Variants in ALS2 observed in about 807,000 individuals in gnomAD.
The protein encoded by ALS2 is alsin.
ALS2 carries 117 observed loss-of-function variants against 203.4 expected under a neutral mutation model. That is an observed-to-expected ratio of 0.58 (90% CI 0.50 to 0.67). ALS2 has a LOEUF of 0.67. ALS2 is among the 30% of genes least tolerant of loss of function. The pLI is 0.00. For synonymous variants in ALS2, 718 were observed against 725.9 expected, an observed-to-expected ratio of 0.99 and a Z score of 0.17; for missense variants, 1,715 against 1,989.4, an observed-to-expected ratio of 0.86 and a Z score of 2.62.
chr2:201,746,541 G>A, intron 9 of ALS2, 25 bp downstream of exon 9: 5 of 1,612,922 alleles, frequency 3.1e-6, no homozygotes, highest in Non-Finnish European at 4.2e-6. Context: ...CTGAATGTGG[G>A]CCTTAGGATC....
intron 1 of ALS2, among the ~76,000 whole-genome samples, chr2:201,779,736 A>G (rs1694814407): frequency 6.6e-6 from 1 of 152,234 alleles, no homozygotes; most frequent in African/African-American, 2.4e-5. Flanking sequence ...TGAGGCAGAG[A>G]GATTAAATAA....
chr2:201,725,503 T>G (rs777358877), intron 19 of ALS2, 49 bp from the exon 20 acceptor site: 1 of 1,444,478 alleles, frequency 6.9e-7, no homozygotes, highest in Admixed American at 1.7e-5. Flanking sequence ...TTATGACATA[T>G]TCACCTTTTG....
intron 6 of ALS2, among the ~76,000 whole-genome samples, chr2:201,754,115 C>T (rs191192483): frequency 1.2e-4 from 18 of 151,760 alleles, no homozygotes; most frequent in East Asian, 9.7e-4. Context: ...CAGATTCAAG[C>T]GATTCTCCTG....
At chr2:201,750,541 AAG>A (rs754710307) in intron 7 of ALS2, among the ~76,000 whole-genome samples, 19 of 152,218 alleles carry the variant, frequency 1.2e-4, no homozygotes, top group Admixed American at 2.6e-4. Context: ...TTCATACATG[AAG>A]AGTTACTGTA....
At position 201,761,712 on chromosome 2, in the gene ALS2, A is replaced by G. The variant is rs1362226694; in HGVS notation, c.282T>C (p.Ile94=). The G allele has an allele frequency of 5.0e-6, 8 of 1,614,194 alleles. No homozygotes were observed. In the East Asian group the frequency reaches 6.7e-5, roughly 13 times the overall value. The change falls in exon 4 of 34, where the codon ATT becomes ATC. Residue 94 remains isoleucine (I), a synonymous_variant. Coordinates refer to ENST00000264276, the MANE Select transcript of ALS2 (RefSeq NM_020919.4). ...TATGGAAGCTTCCTGTTGCCACAGTAATAACATATTGCCCAACCAGGGCAT... is the reference window on the plus strand; with the variant it reads ...TATGGAAGCTTCCTGTTGCCACAGTGATAACATATTGCCCAACCAGGGCAT... ...LENALVGQYV[I]TVATGSFHSG... is the part of the protein sequence containing the mutation.
At chr2:201,775,314 C>T (rs997101453) in intron 1 of ALS2, among the ~76,000 whole-genome samples, 1 of 152,064 alleles carries the variant, frequency 6.6e-6, no homozygotes, top group African/African-American at 2.4e-5. Flanking sequence ...GATTTGGATA[C>T]AAAATTACCA....
intron 33 of ALS2, 116 bp downstream of exon 33, chr2:201,704,006 G>A: frequency 1.2e-6 from 1 of 817,872 alleles, no homozygotes; most frequent in South Asian, 1.5e-5. Flanking sequence ...TGCTCTAAAG[G>A]CATTTAAGGT....
At chr2:201,779,294 T>A (rs543820279) in intron 1 of ALS2, among the ~76,000 whole-genome samples, 2 of 152,232 alleles carry the variant, frequency 1.3e-5, no homozygotes, top group South Asian at 4.1e-4. Context: ...TATTTCATTT[T>A]TCTGGATCAT....
intron 12 of ALS2, among the ~76,000 whole-genome samples, chr2:201,735,300 C>G (rs577844849): frequency 8.6e-5 from 13 of 152,024 alleles, no homozygotes; most frequent in African/African-American, 3.1e-4. Flanking sequence ...TACAACATTG[C>G]GAATGTATTT....
chr2:201,719,114 G>A (rs1486880689), intron 23 of ALS2, among the ~76,000 whole-genome samples: 1 of 152,166 alleles, frequency 6.6e-6, no homozygotes, highest in Non-Finnish European at 1.5e-5. Context: ...AAAATCAAGA[G>A]TGAAACAGGT....
In ALS2 at chr2:201,768,909, C is replaced by T. The variant is rs376222437; in HGVS notation, c.-24G>A. On this transcript the variant is annotated 5_prime_UTR_variant, in exon 2 of 34. The change creates a new upstream start codon in the 5' untranslated region. Transcript: ENST00000264276. The stretch of plus-strand genomic sequence containing the variant: ...ATCGGTCAGTGGGAACACTCCATCA[C>T]CAAATCATTCCTTCTTTACAGAAAG... The T allele has an allele frequency of 6.2e-6, 10 of 1,611,328 alleles. No homozygotes were observed. Among genetic ancestry groups the T allele is most frequent in the Admixed American group, 1.7e-5 (1 of 59,948 alleles).
chr2:201,718,400 C>A (rs988906936), intron 23 of ALS2, among the ~76,000 whole-genome samples, 190 bp from the exon 24 acceptor site: 1 of 152,148 alleles, frequency 6.6e-6, no homozygotes, highest in Non-Finnish European at 1.5e-5. Flanking sequence ...GCTGGGATCA[C>A]AGGCGCCCGC....
chr2:201,710,423 C>G (rs373291743), intron 26 of ALS2, among the ~76,000 whole-genome samples: 188 of 90,192 alleles, frequency 2.1e-3, no homozygotes, highest in African/African-American at 7.0e-3. Context: ...ACAGTGAGAA[C>G]CCCCATATCT....
intron 4 of ALS2, among the ~76,000 whole-genome samples, chr2:201,758,759 C>CGTGTGT (rs74613232): frequency 5.2e-4 from 69 of 132,080 alleles, no homozygotes; most frequent in African/African-American, 2.1e-3. Context: ...TGTGTGTGCG[C>CGTGTGT]ATGTGTGTGT....
At chr2:201,740,537 AAC>A in intron 11 of ALS2, among the ~76,000 whole-genome samples, 1 of 36,564 alleles carries the variant, frequency 2.7e-5, no homozygotes, top group Non-Finnish European at 1.4e-4. Context: ...GAATCACAGA[AAC>A]AACAAAATCT....
At chr2:201,737,780 G>A (rs937399595) in intron 12 of ALS2, among the ~76,000 whole-genome samples, 11 of 152,182 alleles carry the variant, frequency 7.2e-5, no homozygotes, top group South Asian at 4.1e-4. Context: ...AAATTAGTTC[G>A]GGGTGGTGGT....
Position 201,707,987 on chromosome 2 carries a change from A to T in ALS2, c.4285T>A (p.Leu1429Ile). 1.2e-6 allele frequency: 2 copies of T among 1,612,014 alleles called. No individual in the cohort carries two copies. Among genetic ancestry groups the T allele is most frequent in the Non-Finnish European group, 1.7e-6 (2 of 1,178,598 alleles). ...LKRIFQLVRFLFPELPEEGST... is the reference protein window; with the variant it reads ...LKRIFQLVRFIFPELPEEGST... ...CCTTCTTCAGGCAGCTCAGGAAATA[A>T]GAACCTAAGGAAGAATAAAAAATAT... The change falls in exon 28 of 34, where the codon TTA (leucine) becomes ATA (isoleucine). Residue 1429 changes from leucine (L) to isoleucine (I), a missense_variant. By Grantham distance (5) the Leu-to-Ile change is conservative. Coordinates refer to ENST00000264276, the MANE Select transcript of ALS2 (RefSeq NM_020919.4).
intron 12 of ALS2, among the ~76,000 whole-genome samples, chr2:201,735,002 A>C (rs1237175961): frequency 1.3e-5 from 2 of 152,370 alleles, no homozygotes; most frequent in East Asian, 1.9e-4. Context: ...TAATGTGTAC[A>C]TACAAGAGAA....
intron 3 of ALS2, among the ~76,000 whole-genome samples, chr2:201,766,174 C>G (rs1204008729): frequency 6.6e-6 from 1 of 152,140 alleles, no homozygotes; most frequent in Non-Finnish European, 1.5e-5. Flanking sequence ...AAAGTTATAG[C>G]AAGAGTCTCT....
Sources: allele counts gnomAD v4.1 joint callset (sites outside exome capture counted in the v4.1 genomes callset), GRCh38; gene constraint gnomAD v4.1.1; transcripts MANE v1.5; gene names NCBI Gene and HGNC (gene_info 2026-07-23, HGNC 2026-07-21).